Variants in FBN2 observed in about 807,000 individuals in gnomAD.
FBN2 encodes the protein fibrillin 2.
A neutral mutation model predicts 355.6 loss-of-function variants in FBN2; 105 were observed. The ratio of observed to expected loss-of-function variants is 0.30; its 90% confidence interval spans 0.25 to 0.35. FBN2 has a LOEUF of 0.35. Among genes scored for constraint, FBN2 ranks in the 10% least tolerant of loss-of-function variants. The pLI, the probability that FBN2 is intolerant of heterozygous loss-of-function variation, is 1.00. For missense variants in FBN2, 3,280 were observed against 3,758.7 expected (o/e 0.87, Z 3.33); for synonymous variants, 1,350 against 1,301.2 (o/e 1.04, Z -0.81).
intron 8 of FBN2, among the ~76,000 whole-genome samples, chr5:128,406,118 A>T (rs989805312): frequency 6.6e-6 from 1 of 152,220 alleles, no homozygotes; most frequent in Non-Finnish European, 1.5e-5. Context: ...ACTCTCATAG[A>T]AAGCTGACAG....
chr5:128,335,118 G>T (rs76351819), intron 30 of FBN2, 52 bp downstream of exon 30: 6 of 1,609,154 alleles, frequency 3.7e-6, no homozygotes, highest in Non-Finnish European at 5.1e-6. Context: ...TGTGCATGTG[G>T]GTGTGTGTGC....
intron 19 of FBN2, among the ~76,000 whole-genome samples, chr5:128,360,658 A>G (rs1019523491): frequency 1.3e-5 from 2 of 152,016 alleles, no homozygotes; most frequent in Non-Finnish European, 2.9e-5. Context: ...CATTGACTTC[A>G]GCAGAGTCAT....
intron 5 of FBN2, among the ~76,000 whole-genome samples, chr5:128,500,166 A>T (rs892864): frequency 0.11 from 16,062 of 152,006 alleles, 1,017 homozygotes; most frequent in African/African-American, 0.18. Flanking sequence ...GATAAAAAAA[A>T]TTCCTGGAAA....
rs559116475 is a variant in FBN2, at chr5:128,460,100, A to T, written c.826+4624T>A. Among the ~76,000 whole-genome samples, 4 of 152,366 alleles carry T rather than the reference A, an allele frequency of 2.6e-5. No individual in the cohort carries two copies. The East Asian group carries it at 7.7e-4, about 29-fold the overall frequency. On this transcript the variant is annotated intron_variant, in intron 6 of 64. Coordinates refer to ENST00000262464, the MANE Select transcript of FBN2 (RefSeq NM_001999.4). ...AGCCCAAAATCTCCTGAAGCTGATA[A>T]GCAATTTCAGCAGTCTCAGGATACA... is the stretch of plus-strand genomic sequence containing the variant.
chr5:128,429,134 T>TGTGAGTCA (rs1331966378), intron 7 of FBN2, among the ~76,000 whole-genome samples: 1 of 152,190 alleles, frequency 6.6e-6, no homozygotes, highest in African/African-American at 2.4e-5. Context: ...CCTTTCCAGG[T>TGTGAGTCA]GTGAGTCAGG....
At chr5:128,501,575 A>C (rs767312765) in intron 5 of FBN2, among the ~76,000 whole-genome samples, 1 of 152,220 alleles carries the variant, frequency 6.6e-6, no homozygotes, top group Non-Finnish European at 1.5e-5. Flanking sequence ...GTAGGAAAAA[A>C]TAATGAGAAA....
In FBN2 at chr5:128,368,428, A is replaced by ATG. The variant is rs550440840; in HGVS notation, c.2248+753_2248+754insCA. Among the ~76,000 whole-genome samples, 186 of 142,804 alleles carry ATG rather than the reference A, an allele frequency of 1.3e-3. 2 individuals carry two copies. In the South Asian group the frequency reaches 0.013, roughly 10 times the overall value. The allele number at this position is 142,804 out of a possible 152,430, so 93.7% of individuals were successfully genotyped here. Reference sequence around the variant, plus strand: ...TATATGTGTGTGTGTGTGTATATATATATATACACATATATACATATATAT... The same window carrying ATG: ...TATATGTGTGTGTGTGTGTATATATATGTATATACACATATATACATATATAT... On this transcript the variant is annotated intron_variant, in intron 16 of 64. Transcript: ENST00000262464.
At position 128,257,988 on chromosome 5, in the gene FBN2, A is replaced by G. The variant is rs143662722; in HGVS notation, c.*1467T>C. The G allele has an allele frequency of 7.9e-5, 12 of 152,664 alleles. No homozygotes were observed. In the East Asian group the frequency reaches 1.3e-3, roughly 17 times the overall value. 9.5% of individuals were successfully genotyped at this position (152,664 alleles called of 1,614,324 possible). A position where few individuals can be genotyped will look rare whatever the true frequency, so the allele number is the denominator to read the frequency against. On this transcript the variant is annotated 3_prime_UTR_variant, in exon 65 of 65. Coordinates refer to ENST00000262464, the MANE Select transcript of FBN2 (RefSeq NM_001999.4). ...ACAAAAACAAACAAAACCAAAAACC[A>G]TAAGTTTTTCCTCACAAACTCTTGA... is the stretch of plus-strand genomic sequence containing the variant.
chr5:128,378,003 C>T lies in FBN2; in HGVS notation c.1724-126G>A. On this transcript the variant is annotated intron_variant, in intron 12 of 64. Transcript: ENST00000262464. ...CTTCTTTAGCAAAATTTCTGTCTCT[C>T]AGCAGTTTTTTTTTTTTTTTTTGGA... 5 of 807,126 alleles carry T rather than the reference C, an allele frequency of 6.2e-6. No homozygotes were observed. The South Asian group carries it at 8.8e-5, about 14-fold the overall frequency. 50.0% of individuals were successfully genotyped at this position (807,126 alleles called of 1,614,324 possible).
chr5:128,518,678 G>A (rs1321289748), intron 5 of FBN2, among the ~76,000 whole-genome samples: 1 of 152,146 alleles, frequency 6.6e-6, no homozygotes, highest in East Asian at 1.9e-4. Context: ...TGTCTCAAGA[G>A]GTGAAGAAGA....
intron 15 of FBN2, among the ~76,000 whole-genome samples, chr5:128,370,158 A>T (rs1437454014): frequency 6.6e-6 from 1 of 151,980 alleles, no homozygotes; most frequent in Non-Finnish European, 1.5e-5. Flanking sequence ...TAGTTCTCTC[A>T]CTCTTAATTC....
intron 7 of FBN2, among the ~76,000 whole-genome samples, chr5:128,411,775 C>T (rs962404416): frequency 2.0e-5 from 3 of 152,184 alleles, no homozygotes; most frequent in South Asian, 4.1e-4. Flanking sequence ...TCGCCAGGGA[C>T]CCCCACCCCG....
intron 44 of FBN2, 69 bp from the exon 45 acceptor site, chr5:128,305,151 G>A (rs1749833255): frequency 7.5e-7 from 1 of 1,332,688 alleles, no homozygotes; most frequent in African/African-American, 1.5e-5. Context: ...TTTCACAGTT[G>A]TGTTTCTCTA....
At chr5:128,399,886 A>G (rs972255312) in intron 8 of FBN2, among the ~76,000 whole-genome samples, 4 of 152,068 alleles carry the variant, frequency 2.6e-5, no homozygotes, top group Non-Finnish European at 5.9e-5. Context: ...CAAATCTAAA[A>G]GAAACCAAGA....
At chr5:128,506,631 A>T (rs1047852541) in intron 5 of FBN2, among the ~76,000 whole-genome samples, 3 of 152,152 alleles carry the variant, frequency 2.0e-5, no homozygotes, top group African/African-American at 7.2e-5. Context: ...TTCCAAATAC[A>T]TGACTTTCAT....
chr5:128,418,549 T>C (rs561839538), intron 7 of FBN2, among the ~76,000 whole-genome samples: 11 of 152,300 alleles, frequency 7.2e-5, no homozygotes, highest in South Asian at 6.2e-4. Flanking sequence ...TGCGTTTCCA[T>C]TGTCATTTGT....
At chr5:128,507,863 G>A (rs923654010) in intron 5 of FBN2, among the ~76,000 whole-genome samples, 8 of 152,038 alleles carry the variant, frequency 5.3e-5, no homozygotes, top group Non-Finnish European at 8.8e-5. Flanking sequence ...CAATTATTGA[G>A]AGGGGGTACT....
chr5:128,533,608 G>A (rs942080658), intron 2 of FBN2, among the ~76,000 whole-genome samples: 1 of 152,244 alleles, frequency 6.6e-6, no homozygotes, highest in Admixed American at 6.5e-5. Context: ...AAGTTTAGTT[G>A]TCACTCTGCC....
At chr5:128,532,214 T>C (rs1177634778) in intron 2 of FBN2, among the ~76,000 whole-genome samples, 1 of 152,174 alleles carries the variant, frequency 6.6e-6, no homozygotes, top group Non-Finnish European at 1.5e-5. Flanking sequence ...ACAGCCTTTC[T>C]CCTTCCATAT....
Sources: allele counts gnomAD v4.1 joint callset (sites outside exome capture counted in the v4.1 genomes callset), GRCh38; gene constraint gnomAD v4.1.1; transcripts MANE v1.5; gene names NCBI Gene and HGNC (gene_info 2026-07-23, HGNC 2026-07-21).